TRIO: variants seen among roughly 807,000 people sequenced by gnomAD.
TRIO encodes the protein trio Rho guanine nucleotide exchange factor.
In TRIO, 58 loss-of-function variants were observed where a neutral mutation model predicts 351.9. That is an observed-to-expected ratio of 0.16 (90% CI 0.13 to 0.21). The LOEUF is 0.21. Ranked by LOEUF, TRIO falls within the 10% of genes least tolerant of loss-of-function variation. The probability of loss-of-function intolerance (pLI) is 1.00; values close to 1 mark genes in which losing one functional copy is unlikely to be tolerated. For missense variants in TRIO, 3,201 were observed against 4,027.8 expected, an observed-to-expected ratio of 0.79 and a Z score of 5.56; for synonymous variants, 1,758 against 1,595.7, an observed-to-expected ratio of 1.10 and a Z score of -2.42.
intron 1 of TRIO, among the ~76,000 whole-genome samples, chr5:14,189,291 C>T (rs1361659314): frequency 6.6e-6 from 1 of 152,146 alleles, no homozygotes; most frequent in Non-Finnish European, 1.5e-5. Flanking sequence ...CTTTGATGCT[C>T]CTGTCCCCAT....
In TRIO at chr5:14,236,426, C is replaced by T. The variant is rs1021092530; in HGVS notation, c.158-34399C>T. Among the ~76,000 whole-genome samples the T allele has an allele frequency of 4.6e-5, 7 of 152,250 alleles. No homozygotes were observed. The South Asian group carries it at 6.2e-4, about 14-fold the overall frequency. On this transcript the variant is annotated intron_variant, in intron 1 of 56. Coordinates refer to ENST00000344204, the MANE Select transcript of TRIO (RefSeq NM_007118.4). ...CTATCTTTCTTCTCAGTACACCAAA[C>T]GTAACTCTTGGGTTCAGAAATGATT...
intron 1 of TRIO, among the ~76,000 whole-genome samples, chr5:14,205,220 G>A (rs754814402): frequency 6.6e-6 from 1 of 152,182 alleles, no homozygotes; most frequent in Non-Finnish European, 1.5e-5. Flanking sequence ...CCAGGGAGGT[G>A]GAGTTACTTA....
chr5:14,492,450 T>A (rs1756557809), intron 48 of TRIO, 117 bp from the exon 49 acceptor site: 4 of 1,407,356 alleles, frequency 2.8e-6, no homozygotes, highest in Non-Finnish European at 3.9e-6. Context: ...GGTGCTTGCC[T>A]GGTGAGCCCT....
chr5:14,254,762 C>T (rs1364203115), intron 1 of TRIO, among the ~76,000 whole-genome samples: 2 of 152,150 alleles, frequency 1.3e-5, no homozygotes, highest in African/African-American at 2.4e-5. Flanking sequence ...ATTATTTCTA[C>T]GGGAAAATAT....
Position 14,496,923 on chromosome 5 carries a change from CTG to C in TRIO, c.7926_7927del (p.Lys2645ArgfsTer2). 1.2e-6 allele frequency: 2 copies of C among 1,614,106 alleles called. No individual in the cohort carries two copies. ...ACAGCACTCCGTTTAAGGAAAAAAT[CTG>C]AGAAAAAAGATAAAGACGGCAAAAG... On this transcript the variant is annotated frameshift_variant, in exon 50 of 57. Transcript: ENST00000344204. LOFTEE classifies it high-confidence loss of function.
chr5:14,276,112 G>A (rs535923880), intron 2 of TRIO, among the ~76,000 whole-genome samples: 5 of 151,342 alleles, frequency 3.3e-5, no homozygotes, highest in African/African-American at 7.3e-5. Context: ...TTATCAAGTT[G>A]GGGATATTGA....
intron 56 of TRIO, among the ~76,000 whole-genome samples, chr5:14,507,635 G>T (rs949188568): frequency 1.3e-5 from 2 of 152,092 alleles, no homozygotes; most frequent in African/African-American, 4.8e-5. Flanking sequence ...GTTTCATTAG[G>T]CTACTTGGCA....
At chr5:14,221,043 G>A (rs1036137920) in intron 1 of TRIO, among the ~76,000 whole-genome samples, 6 of 152,168 alleles carry the variant, frequency 3.9e-5, no homozygotes, top group Admixed American at 3.9e-4. Flanking sequence ...AATGCAGCTG[G>A]GGACTTTGTT....
chr5:14,388,912 T>C (rs2152362856), intron 24 of TRIO, among the ~76,000 whole-genome samples: 1 of 152,316 alleles, frequency 6.6e-6, no homozygotes, highest in Non-Finnish European at 1.5e-5. Flanking sequence ...CTCATTCTGT[T>C]TATCACATGA....
rs1793471765 is a variant in TRIO, at chr5:14,232,117, GGAGAC to G, written c.158-38707_158-38703del. ...TCTCATTATCTTCATTTTTAATGCT[GGAGAC>G]TGAAGATGAGAGACCTGTGGTTGCC... On this transcript the variant is annotated intron_variant, in intron 1 of 56. Transcript: ENST00000344204. Among the ~76,000 whole-genome samples the G allele has an allele frequency of 2.0e-5, 3 of 152,188 alleles. No individual in the cohort carries two copies. The South Asian group carries it at 6.2e-4, about 32-fold the overall frequency.
At chr5:14,397,865 C>T (rs1290232008) in intron 29 of TRIO, among the ~76,000 whole-genome samples, 4 of 151,996 alleles carry the variant, frequency 2.6e-5, no homozygotes, top group Non-Finnish European at 4.4e-5. Flanking sequence ...CTGGTATGGC[C>T]GCCCTTCATG....
intron 5 of TRIO, among the ~76,000 whole-genome samples, chr5:14,292,589 A>G (rs1035146501): frequency 3.3e-5 from 5 of 152,228 alleles, no homozygotes; most frequent in Non-Finnish European, 7.3e-5. Flanking sequence ...TTCTGTCAGT[A>G]ACCTGTGGGC....
intron 1 of TRIO, among the ~76,000 whole-genome samples, chr5:14,206,821 G>T (rs1791490281): frequency 6.6e-6 from 1 of 152,182 alleles, no homozygotes; most frequent in Non-Finnish European, 1.5e-5. Context: ...CTGTTTTGGT[G>T]CATGTCCAGT....
chr5:14,472,704 T>C (rs570469636), intron 39 of TRIO, 46 bp downstream of exon 39: 11 of 1,596,358 alleles, frequency 6.9e-6, no homozygotes, highest in East Asian at 2.2e-5. Context: ...GTTCCAAGAG[T>C]TGTCAAAAGT....
chr5:14,165,686 A>G (rs572643892), intron 1 of TRIO, among the ~76,000 whole-genome samples: 25 of 152,286 alleles, frequency 1.6e-4, no homozygotes, highest in South Asian at 2.1e-4. Flanking sequence ...GTCATTCTCA[A>G]CCTTTCCTTG....
intron 2 of TRIO, among the ~76,000 whole-genome samples, chr5:14,277,288 T>C (rs1262123800): frequency 6.6e-6 from 1 of 151,582 alleles, no homozygotes; most frequent in Non-Finnish European, 1.5e-5. Context: ...TGCAGGTTTA[T>C]GTGAACTGAA....
intron 1 of TRIO, among the ~76,000 whole-genome samples, chr5:14,155,358 C>T (rs1033905266): frequency 6.6e-6 from 1 of 152,210 alleles, no homozygotes; most frequent in African/African-American, 2.4e-5. Context: ...AGAGTGAGGA[C>T]ATGCTCTTAC....
intron 34 of TRIO, among the ~76,000 whole-genome samples, chr5:14,426,632 C>T (rs1561478134): frequency 6.6e-6 from 1 of 152,198 alleles, no homozygotes. Context: ...CTGCAGACAA[C>T]ACAGGTGTTT....
intron 1 of TRIO, among the ~76,000 whole-genome samples, chr5:14,188,735 T>C (rs184130987): frequency 5.1e-4 from 78 of 152,330 alleles, no homozygotes; most frequent in African/African-American, 1.8e-3. Flanking sequence ...CTTTGACCCA[T>C]TGATGCTTTT....
Sources: allele counts gnomAD v4.1 joint callset (sites outside exome capture counted in the v4.1 genomes callset), GRCh38; gene constraint gnomAD v4.1.1; transcripts MANE v1.5; gene names NCBI Gene and HGNC (gene_info 2026-07-23, HGNC 2026-07-21).